The following RSPH14 variants were observed in gnomAD, a reference collection of about 807,000 sequenced individuals.
RSPH14 encodes the protein rhabdoid tumor deletion region gene 1.
Under a neutral mutation model 26.7 loss-of-function variants are expected in RSPH14, and 20 were observed. The observed-to-expected ratio is 0.75, with a 90% CI of 0.53 to 1.09. The LOEUF is 1.09. RSPH14 is among the 50% of genes least tolerant of loss of function. The pLI, the probability that RSPH14 is intolerant of heterozygous loss-of-function variation, is 0.00. For missense variants in RSPH14, 449 were observed against 457.2 expected, an observed-to-expected ratio of 0.98 and a Z score of 0.16; for synonymous variants, 177 against 189.3, an observed-to-expected ratio of 0.93 and a Z score of 0.53.
At chr22:23,161,133 G>T in the RSPH14 span, 1 of 1,084,874 alleles carries the variant, frequency 9.2e-7, no homozygotes, top group Admixed American at 2.8e-5. Context: ...CCTCCTCTCA[G>T]GGTGTCACTG....
intron 4 of RSPH14, among the ~76,000 whole-genome samples, chr22:23,115,382 A>G (rs1198524193): frequency 6.6e-6 from 1 of 152,174 alleles, no homozygotes; most frequent in Non-Finnish European, 1.5e-5. Context: ...TAGGGAGGTG[A>G]CGGTCCCACC....
intron 4 of RSPH14, among the ~76,000 whole-genome samples, chr22:23,093,558 C>T (rs558857478): frequency 3.3e-5 from 5 of 152,300 alleles, no homozygotes; most frequent in African/African-American, 1.2e-4. Context: ...AGGTGACGCT[C>T]ACAGCGACAA....
the RSPH14 span, among the ~76,000 whole-genome samples, chr22:23,153,791 C>T: frequency 6.2e-5 from 9 of 144,458 alleles, no homozygotes; most frequent in African/African-American, 1.0e-4. Context: ...CCACTTCAAG[C>T]GAATCACCTG....
chr22:23,176,011 C>T, the RSPH14 span, among the ~76,000 whole-genome samples: 1 of 152,258 alleles, frequency 6.6e-6, no homozygotes, highest in Non-Finnish European at 1.5e-5. Context: ...CACCCAGCCT[C>T]ACGCAGGCAG....
chr22:23,063,851 C>G (rs756571024), intron 5 of RSPH14, 51 bp downstream of exon 5: 152 of 1,574,506 alleles, frequency 9.7e-5, no homozygotes, highest in Non-Finnish European at 3.5e-6. Flanking sequence ...CAGTCCAGCT[C>G]AGGTGCCTTC....
At chr22:23,143,806 T>G (rs150560154), upstream of RSPH14, among the ~76,000 whole-genome samples, 258 of 152,242 alleles carry the variant, frequency 1.7e-3, 3 homozygotes, top group African/African-American at 6.0e-3. Flanking sequence ...AAAGGAGGAT[T>G]GGGGCCAGGT....
chr22:23,158,187 C>G, the RSPH14 span: 4 of 1,492,264 alleles, frequency 2.7e-6, no homozygotes, highest in South Asian at 5.4e-5. Context: ...TGCCCACGGA[C>G]TACTTACTGT....
upstream of RSPH14, chr22:23,146,751 C>T (rs914966797): frequency 1.3e-5 from 21 of 1,583,582 alleles, no homozygotes; most frequent in African/African-American, 2.6e-4. Context: ...CCCCACTCTA[C>T]ACTCATGCCT....
the RSPH14 span, chr22:23,163,606 G>GCCCCCCCCCCCCCCCCCCCCCCC: frequency 2.0e-4 from 25 of 125,230 alleles, 1 homozygote; most frequent in Non-Finnish European, 2.2e-4. Flanking sequence ...CAAGGTGAAA[G>GCCCCCCCCCCCCCCCCCCCCCCC]CCCCCCCCCC....
intron 4 of RSPH14, among the ~76,000 whole-genome samples, chr22:23,084,189 A>G (rs769773077): frequency 1.3e-5 from 2 of 152,214 alleles, no homozygotes; most frequent in Admixed American, 6.5e-5. Flanking sequence ...CAAAAATACA[A>G]GCAGTCCCCA....
intron 2 of RSPH14, among the ~76,000 whole-genome samples, chr22:23,139,437 A>G (rs2070549916): frequency 6.6e-6 from 1 of 152,216 alleles, no homozygotes; most frequent in Admixed American, 6.5e-5. Context: ...CCTGGCCAAC[A>G]TGGTGAAACC....
intron 4 of RSPH14, among the ~76,000 whole-genome samples, chr22:23,102,176 A>G (rs945690448): frequency 6.6e-6 from 1 of 152,202 alleles, no homozygotes; most frequent in Admixed American, 6.5e-5. Context: ...GGCTGCGGCC[A>G]CCTCAGTGGG....
intron 3 of RSPH14, among the ~76,000 whole-genome samples, chr22:23,138,248 A>G (rs2070516895): frequency 6.6e-6 from 1 of 152,214 alleles, no homozygotes. Context: ...GTAAGATCTG[A>G]ACTTTCTTCC....
At chr22:23,095,533 C>T (rs868222874) in intron 4 of RSPH14, 9 of 730,260 alleles carry the variant, frequency 1.2e-5, no homozygotes, top group South Asian at 1.9e-5. Context: ...GGAGAAGAGG[C>T]GCTGGGGCAG....
At chr22:23,084,667 G>A (rs1053051215) in intron 4 of RSPH14, among the ~76,000 whole-genome samples, 1 of 152,204 alleles carries the variant, frequency 6.6e-6, no homozygotes, top group African/African-American at 2.4e-5. Flanking sequence ...CCTGCGCTTC[G>A]TGGCCCATGA....
chr22:23,144,017 C>T (rs549920146), upstream of RSPH14, among the ~76,000 whole-genome samples: 28 of 136,218 alleles, frequency 2.1e-4, no homozygotes, highest in Non-Finnish European at 3.1e-4. Flanking sequence ...TCGCTTGAGC[C>T]GGGAGGCGGA....
chr22:23,085,589 G>A (rs2068795117), intron 4 of RSPH14, among the ~76,000 whole-genome samples: 1 of 152,186 alleles, frequency 6.6e-6, no homozygotes, highest in Admixed American at 6.5e-5. Context: ...ACTTTGCTGA[G>A]ATAAGAGATG....
chr22:23,130,926 G>A (rs1341306490), intron 4 of RSPH14, among the ~76,000 whole-genome samples: 2 of 152,270 alleles, frequency 1.3e-5, no homozygotes, highest in Non-Finnish European at 2.9e-5. Context: ...ATCCAGCAAA[G>A]CTGAAGGCAA....
At chr22:23,131,462 T>C (rs2070358966) in intron 4 of RSPH14, 1 of 442,264 alleles carries the variant, frequency 2.3e-6, no homozygotes, top group Non-Finnish European at 3.8e-6. Flanking sequence ...TTTCTTCAAA[T>C]AAAAATTTCA....
Sources: allele counts gnomAD v4.1 joint callset (sites outside exome capture counted in the v4.1 genomes callset), GRCh38; gene constraint gnomAD v4.1.1; transcripts MANE v1.5; gene names NCBI Gene and HGNC (gene_info 2026-07-23, HGNC 2026-07-21).